The following KATNIP variants were observed in gnomAD, a reference collection of about 807,000 sequenced individuals.
KATNIP encodes the protein katanin-interacting protein.
Under a neutral mutation model 174.0 loss-of-function variants are expected in KATNIP, and 126 were observed. The observed-to-expected ratio is 0.72, with a 90% CI of 0.63 to 0.84. The LOEUF is 0.84. Among genes scored for constraint, KATNIP ranks in the 40% least tolerant of loss-of-function variants. The pLI, the probability that KATNIP is intolerant of heterozygous loss-of-function variation, is 0.00. For missense variants in KATNIP, 1,958 were observed against 2,109.7 expected, an observed-to-expected ratio of 0.93 and a Z score of 1.41; for synonymous variants, 810 against 835.7, an observed-to-expected ratio of 0.97 and a Z score of 0.53.
intron 1 of KATNIP, among the ~76,000 whole-genome samples, chr16:27,552,331 CTCCTT>C (rs1202781532): frequency 6.6e-6 from 1 of 151,108 alleles, no homozygotes; most frequent in Non-Finnish European, 1.5e-5. Flanking sequence ...TGTAGACACT[CTCCTT>C]TCATACTATA....
intron 6 of KATNIP, among the ~76,000 whole-genome samples, chr16:27,674,702 G>T (rs980758176): frequency 6.6e-6 from 1 of 152,176 alleles, no homozygotes; most frequent in Non-Finnish European, 1.5e-5. Flanking sequence ...GCCCTGTAAG[G>T]CAGCATCTCC....
At chr16:27,724,439 C>T (rs1242630370) in intron 14 of KATNIP, among the ~76,000 whole-genome samples, 2 of 152,206 alleles carry the variant, frequency 1.3e-5, no homozygotes, top group Non-Finnish European at 2.9e-5. Context: ...CCAGGGCCTG[C>T]CTTTCTTCTT....
chr16:27,584,722 C>T (rs547061628), intron 2 of KATNIP, among the ~76,000 whole-genome samples: 75 of 151,654 alleles, frequency 4.9e-4, no homozygotes, highest in African/African-American at 1.7e-3. Flanking sequence ...ACCCATGAGG[C>T]GGAGGTTGCA....
chr16:27,766,180 A>G, intron 19 of KATNIP, 129 bp from the exon 20 acceptor site: 1 of 900,404 alleles, frequency 1.1e-6, no homozygotes, highest in Non-Finnish European at 1.7e-6. Flanking sequence ...TCCCCTTAAC[A>G]AGCCTGACAC....
At position 27,748,548 on chromosome 16, in the gene KATNIP, G is replaced by A. The variant is rs748037086; in HGVS notation, c.2624-1036G>A. Among the ~76,000 whole-genome samples, 36 of 152,078 alleles carry A rather than the reference G, an allele frequency of 2.4e-4. 1 individual carries two copies. Among genetic ancestry groups the A allele is most frequent in the African/African-American group, 8.0e-4 (33 of 41,402 alleles). On this transcript the variant is annotated intron_variant, in intron 15 of 27. Coordinates refer to ENST00000261588, the MANE Select transcript of KATNIP (RefSeq NM_015202.5). Reference sequence around the variant, plus strand: ...TAAGGCCATGGTGAGCCATGATCACGCCACTGCACTCCAGCCTGGGTGACA... The same window carrying A: ...TAAGGCCATGGTGAGCCATGATCACACCACTGCACTCCAGCCTGGGTGACA...
At chr16:27,696,149 A>T (rs954930022) in intron 8 of KATNIP, among the ~76,000 whole-genome samples, 10 of 152,192 alleles carry the variant, frequency 6.6e-5, no homozygotes, top group Non-Finnish European at 1.2e-4. Flanking sequence ...ACTTTGCAAT[A>T]CTTGTTTTCT....
At position 27,701,750 on chromosome 16, in the gene KATNIP, ATCT is replaced by A. The variant is rs1429757021; in HGVS notation, c.1286+61_1286+63del. 92 of 1,186,840 alleles carry A rather than the reference ATCT, an allele frequency of 7.8e-5. No homozygotes were observed. The East Asian group carries it at 2.3e-3, about 29-fold the overall frequency. The allele number at this position is 1,186,840 out of a possible 1,614,324, so 73.5% of individuals were successfully genotyped here. On this transcript the variant is annotated intron_variant, in intron 11 of 27. Coordinates refer to ENST00000261588, the MANE Select transcript of KATNIP (RefSeq NM_015202.5). ...ACCCCTTAGCAGTGCAGCCATGGGG[ATCT>A]TCTTCATGAGGGTTCTTTGCTTTTC...
chr16:27,559,953 C>T (rs2089794355), intron 1 of KATNIP, among the ~76,000 whole-genome samples: 1 of 151,954 alleles, frequency 6.6e-6, no homozygotes. Context: ...TGCACACCAG[C>T]CTGGGCGACA....
chr16:27,599,255 C>G (rs1366215633), intron 2 of KATNIP, among the ~76,000 whole-genome samples: 7 of 152,212 alleles, frequency 4.6e-5, no homozygotes, highest in Admixed American at 3.9e-4. Context: ...GCCCTAAACT[C>G]CGAACCCGTA....
At chr16:27,754,044 A>C in intron 17 of KATNIP, 129 bp from the exon 18 acceptor site, 1 of 759,618 alleles carries the variant, frequency 1.3e-6, no homozygotes, top group South Asian at 1.7e-5. Flanking sequence ...AGAAAAATCC[A>C]GGAAAACACA....
intron 15 of KATNIP, among the ~76,000 whole-genome samples, chr16:27,748,689 CGGGA>C (rs905013492): frequency 3.3e-5 from 5 of 150,618 alleles, no homozygotes; most frequent in Non-Finnish European, 5.9e-5. Flanking sequence ...GGGGCTGAAG[CGGGA>C]GGATCGCTTG....
chr16:27,692,580 C>G (rs1420125226), intron 8 of KATNIP, among the ~76,000 whole-genome samples: 2 of 152,134 alleles, frequency 1.3e-5, no homozygotes, highest in African/African-American at 2.4e-5. Flanking sequence ...CTGAGCTTGA[C>G]CTACCAGGGC....
At chr16:27,751,302 C>A in intron 16 of KATNIP, among the ~76,000 whole-genome samples, 1 of 152,128 alleles carries the variant, frequency 6.6e-6, no homozygotes, top group Non-Finnish European at 1.5e-5. Context: ...GGTGAAGGAG[C>A]AGGGCGTTAG....
At chr16:27,736,182 T>C (rs2080888174) in intron 14 of KATNIP, among the ~76,000 whole-genome samples, 3 of 152,164 alleles carry the variant, frequency 2.0e-5, no homozygotes, top group South Asian at 4.1e-4. Flanking sequence ...TTTGTATTTT[T>C]AGTAGAGACG....
At chr16:27,582,975 C>A (rs1029216764) in intron 2 of KATNIP, among the ~76,000 whole-genome samples, 67 of 152,292 alleles carry the variant, frequency 4.4e-4, no homozygotes, top group Middle Eastern at 3.4e-3. Flanking sequence ...GGTGCATAAT[C>A]CATCCCTGTT....
Position 27,766,414 on chromosome 16 carries a change from A to G in KATNIP, c.3915A>G (p.Glu1305=). 6.2e-7 allele frequency: 1 copy of G among 1,614,114 alleles called. No individual in the cohort carries two copies. Among genetic ancestry groups the G allele is most frequent in the Non-Finnish European group, 8.5e-7 (1 of 1,180,032 alleles). The change falls in exon 20 of 28, where the codon GAA becomes GAG. Residue 1305 remains glutamate, a synonymous_variant. Coordinates refer to ENST00000261588, the MANE Select transcript of KATNIP (RefSeq NM_015202.5). The part of the protein sequence containing the change: ...HVVTIRLDRA[E]SIAGLRFWNY... ...TCACGATCCGCCTGGACAGGGCCGA[A>G]AGCATCGCAGGCCTGCGCTTCTGGA...
rs111346127 is a variant in KATNIP at position 27,587,921 on chromosome 16, C to CT, written c.63+13977dup. ...TTTCCTTTTTCTTTTCTTTTCTTTT[C>CT]TTTTTTTTTTTTGAGGCAGGGTCTC... On this transcript the variant is annotated intron_variant, in intron 2 of 27. Transcript: ENST00000261588. Among the ~76,000 whole-genome samples, 984 of 106,546 alleles carry CT rather than the reference C, an allele frequency of 9.2e-3. 4 individuals carry two copies. The highest frequency in any genetic ancestry group is 0.014 in the African/African-American group (412 of 28,692). The allele number at this position is 106,546 out of a possible 152,430, so 69.9% of individuals were successfully genotyped here. A position where few individuals can be genotyped will look rare whatever the true frequency, so the allele number is the denominator to read the frequency against.
chr16:27,709,898 G>T (rs924184355), intron 13 of KATNIP, among the ~76,000 whole-genome samples: 6 of 152,186 alleles, frequency 3.9e-5, no homozygotes, highest in African/African-American at 1.4e-4. Flanking sequence ...AGAAACTACA[G>T]CTTGGAGAAG....
chr16:27,660,117 C>A (rs2077422781), intron 6 of KATNIP: 2 of 562,332 alleles, frequency 3.6e-6, no homozygotes, highest in Middle Eastern at 9.0e-4. Flanking sequence ...ATTCTGGGGC[C>A]TTGGCTAAGT....
Sources: allele counts gnomAD v4.1 joint callset (sites outside exome capture counted in the v4.1 genomes callset), GRCh38; gene constraint gnomAD v4.1.1; transcripts MANE v1.5; gene names NCBI Gene and HGNC (gene_info 2026-07-23, HGNC 2026-07-21).